Variants in EIF4E3 observed in about 807,000 individuals in gnomAD.
EIF4E3 encodes eukaryotic translation initiation factor 4E family member 3.
Under a neutral mutation model 31.7 loss-of-function variants are expected in EIF4E3, and 26 were observed. That is an observed-to-expected ratio of 0.82 (90% confidence interval 0.60 to 1.14). The LOEUF (loss-of-function observed/expected upper bound fraction) is 1.14. Ranked by LOEUF, EIF4E3 falls within the 50% of genes most tolerant of loss-of-function variation. The pLI is 0.00. For synonymous variants in EIF4E3, 128 were observed against 107.7 expected (o/e 1.19, Z -1.17); for missense variants, 304 against 270.9 (o/e 1.12, Z -0.86).
At chr3:71,739,456 G>A (rs1334611272) in intron 1 of EIF4E3, among the ~76,000 whole-genome samples, 1 of 152,104 alleles carries the variant, frequency 6.6e-6, no homozygotes, top group Non-Finnish European at 1.5e-5. Flanking sequence ...AGTACTTTGG[G>A]AGGCCAAGGC....
chr3:71,696,638 G>A, intron 3 of EIF4E3, 118 bp from the exon 4 acceptor site: 1 of 1,142,196 alleles, frequency 8.8e-7, no homozygotes, highest in East Asian at 2.5e-5. Context: ...AAACAAAATA[G>A]TTGGGCATTT....
chr3:71,704,352 C>A (rs772510650), intron 2 of EIF4E3, among the ~76,000 whole-genome samples: 1 of 152,172 alleles, frequency 6.6e-6, no homozygotes, highest in Non-Finnish European at 1.5e-5. Context: ...GAGTGTGGAA[C>A]CTGCTTCCTG....
At position 71,710,554 on chromosome 3, in the gene EIF4E3, T is replaced by G. The variant is rs143133843; in HGVS notation, c.177-70A>C. The G allele has an allele frequency of 9.0e-5, 132 of 1,465,744 alleles. No homozygotes were observed. In the African/African-American group the frequency reaches 1.6e-3, roughly 18 times the overall value. The allele number at this position is 1,465,744 out of a possible 1,614,324, so 90.8% of individuals were successfully genotyped here. ...TCAGTGCTCACAAAACAGCCCACAG[T>G]AGAATCTTTCACGTCTTCCTAAAAA... is the stretch of plus-strand genomic sequence containing the variant. On this transcript the variant is annotated intron_variant, in intron 1 of 6. Transcript: ENST00000425534.
the EIF4E3 span, among the ~76,000 whole-genome samples, chr3:71,662,963 C>A: frequency 6.6e-6 from 1 of 152,208 alleles, no homozygotes; most frequent in African/African-American, 2.4e-5. Context: ...GCTTAGCACA[C>A]ATTTGCATCT....
chr3:71,745,542 C>T (rs1013261793), intron 1 of EIF4E3, among the ~76,000 whole-genome samples: 1 of 152,114 alleles, frequency 6.6e-6, no homozygotes, highest in African/African-American at 2.4e-5. Context: ...TATCAATAAT[C>T]GATGCACTAT....
At chr3:71,709,558 A>G (rs2049344902) in intron 2 of EIF4E3, among the ~76,000 whole-genome samples, 1 of 151,870 alleles carries the variant, frequency 6.6e-6, no homozygotes. Flanking sequence ...TTTTAAGGAA[A>G]CTGTTTGTAG....
At chr3:71,694,960 A>G (rs2049115348) in intron 4 of EIF4E3, among the ~76,000 whole-genome samples, 1 of 152,234 alleles carries the variant, frequency 6.6e-6, no homozygotes, top group Non-Finnish European at 1.5e-5. Context: ...CATATTAACT[A>G]TAATAATAGT....
chr3:71,664,311 C>T, the EIF4E3 span, among the ~76,000 whole-genome samples: 2 of 152,132 alleles, frequency 1.3e-5, no homozygotes, highest in African/African-American at 4.8e-5. Flanking sequence ...AGGCAGCATG[C>T]CTAAGGTCAC....
chr3:71,731,346 A>G (rs1192012752), intron 1 of EIF4E3, among the ~76,000 whole-genome samples: 2 of 152,138 alleles, frequency 1.3e-5, no homozygotes, highest in African/African-American at 4.8e-5. Flanking sequence ...GGGCACCTGC[A>G]TATGCTGTTC....
At chr3:71,734,335 G>A (rs536939232) in intron 1 of EIF4E3, among the ~76,000 whole-genome samples, 1 of 151,132 alleles carries the variant, frequency 6.6e-6, no homozygotes, top group African/African-American at 2.4e-5. Flanking sequence ...TGATCTTGGA[G>A]ATAGCTGAGT....
At chr3:71,721,300 C>T (rs1040962779) in intron 1 of EIF4E3, among the ~76,000 whole-genome samples, 6 of 152,128 alleles carry the variant, frequency 3.9e-5, no homozygotes, top group Admixed American at 6.5e-5. Flanking sequence ...ACAAGGCATC[C>T]GGGACGAGAA....
chr3:71,752,053 G>A (rs1345054735), intron 1 of EIF4E3, among the ~76,000 whole-genome samples: 1 of 152,080 alleles, frequency 6.6e-6, no homozygotes, highest in African/African-American at 2.4e-5. Context: ...TGGCCACTTA[G>A]GAGTCCCAAG....
chr3:71,754,079 C>T (rs1200034352), upstream of EIF4E3: 3 of 1,314,492 alleles, frequency 2.3e-6, no homozygotes, highest in Admixed American at 3.1e-5. The surrounding 1 kb of genome is among the most constrained non-coding windows in gnomAD (Gnocchi z 5.8). Flanking sequence ...CGGGTGGCAG[C>T]GGCGGCGGCG....
chr3:71,662,114 T>C, the EIF4E3 span, among the ~76,000 whole-genome samples: 2 of 152,244 alleles, frequency 1.3e-5, no homozygotes, highest in African/African-American at 4.8e-5. Flanking sequence ...TTCCATTTTG[T>C]CTTAAGAAAC....
At chr3:71,741,447 G>C (rs933457766) in intron 1 of EIF4E3, among the ~76,000 whole-genome samples, 1 of 152,120 alleles carries the variant, frequency 6.6e-6, no homozygotes, top group African/African-American at 2.4e-5. Context: ...TAATATAAAT[G>C]AGTCAGTTCA....
chr3:71,673,503 G>C (rs931863661), downstream of EIF4E3, among the ~76,000 whole-genome samples: 4 of 151,718 alleles, frequency 2.6e-5, no homozygotes, highest in Non-Finnish European at 5.9e-5. Context: ...ACAATAATGA[G>C]ATTAGTAAAA....
intron 1 of EIF4E3, among the ~76,000 whole-genome samples, chr3:71,721,836 G>C (rs1262672642): frequency 6.6e-6 from 1 of 152,116 alleles, no homozygotes; most frequent in African/African-American, 2.4e-5. Flanking sequence ...TGGAAGGTCT[G>C]AGAAGGTGAC....
chr3:71,696,939 C>T (rs954798710), intron 3 of EIF4E3, among the ~76,000 whole-genome samples: 2 of 151,762 alleles, frequency 1.3e-5, no homozygotes, highest in African/African-American at 4.8e-5. Context: ...AGGATGGTCT[C>T]GATCTCCCCA....
chr3:71,735,139 C>G (rs971908181), intron 1 of EIF4E3, among the ~76,000 whole-genome samples: 1 of 152,186 alleles, frequency 6.6e-6, no homozygotes, highest in Non-Finnish European at 1.5e-5. Context: ...CGTTCCCCAT[C>G]TAACTAGGTG....
Sources: gnomAD v4.1 joint callset for allele counts (sites outside exome capture counted in the v4.1 genomes callset) on GRCh38, gnomAD v4.1.1 for gene constraint, Gnocchi (gnomAD v3.1) non-coding constraint, MANE v1.5 for transcripts, NCBI Gene and HGNC (gene_info 2026-07-23, HGNC 2026-07-21) for gene names.